CALN1: variants seen among roughly 807,000 people sequenced by gnomAD.
CALN1 encodes calneuron 1.
A neutral mutation model predicts 30.6 loss-of-function variants in CALN1; 17 were observed. That is an observed-to-expected ratio of 0.56 (90% CI 0.38 to 0.83). The LOEUF (loss-of-function observed/expected upper bound fraction) is 0.83, where lower values mean the gene tolerates loss of function less well. Among genes scored for constraint, CALN1 ranks in the 40% least tolerant of loss-of-function variants. CALN1 has a pLI of 0.00. For synonymous variants in CALN1, 156 were observed against 131.4 expected, an observed-to-expected ratio of 1.19 and a Z score of -1.28; for missense variants, 291 against 354.9, an observed-to-expected ratio of 0.82 and a Z score of 1.45.
intron 2 of CALN1, among the ~76,000 whole-genome samples, chr7:72,286,722 C>A (rs532478083): frequency 3.3e-5 from 5 of 152,278 alleles, no homozygotes; most frequent in African/African-American, 1.2e-4. Flanking sequence ...GGACAGATCT[C>A]AAATCAGACA....
At chr7:72,452,227 C>A in the CALN1 span, among the ~76,000 whole-genome samples, 5 of 152,136 alleles carry the variant, frequency 3.3e-5, no homozygotes, top group East Asian at 3.8e-4. Context: ...CAGCTCTCAA[C>A]TCACTCCTTG....
rs541056818 is a variant in CALN1, at chr7:72,124,776, G to GA, written c.245-18483dup. On this transcript the variant is annotated intron_variant, in intron 3 of 6. Coordinates refer to ENST00000395275, the MANE Select transcript of CALN1 (RefSeq NM_031468.4). ...AACATGAAGATAAAGACAACCTGAA[G>GA]AAAAAAAACAAATGAACTGACCTAC... 3.1e-4 allele frequency among the ~76,000 whole-genome samples: 47 copies of GA among 149,440 alleles called. 1 individual carries two copies. Among genetic ancestry groups the GA allele is most frequent in the Admixed American group, 2.7e-3 (41 of 15,002 alleles).
intron 2 of CALN1, among the ~76,000 whole-genome samples, chr7:72,319,148 G>A (rs530366199): frequency 9.9e-5 from 15 of 152,262 alleles, no homozygotes; most frequent in African/African-American, 2.4e-4. Context: ...TCCATCAATC[G>A]AGGACTGGAT....
chr7:72,280,471 T>C (rs891681311), intron 2 of CALN1, among the ~76,000 whole-genome samples: 1 of 152,248 alleles, frequency 6.6e-6, no homozygotes, highest in Non-Finnish European at 1.5e-5. Context: ...TTTCCAAATC[T>C]ATCCTTATAT....
At chr7:72,040,920 A>T (rs1174361745) in intron 4 of CALN1, among the ~76,000 whole-genome samples, 1 of 152,238 alleles carries the variant, frequency 6.6e-6, no homozygotes, top group African/African-American at 2.4e-5. Flanking sequence ...TGAAGCCACC[A>T]GGTCTGTGGT....
At chr7:72,389,699 C>T (rs554690435) in intron 2 of CALN1, among the ~76,000 whole-genome samples, 5 of 152,188 alleles carry the variant, frequency 3.3e-5, no homozygotes, top group Non-Finnish European at 7.4e-5. Flanking sequence ...GCAAGTGGAT[C>T]ACCTGAGGTC....
At chr7:71,908,571 A>G (rs1052091236) in intron 5 of CALN1, among the ~76,000 whole-genome samples, 1 of 152,168 alleles carries the variant, frequency 6.6e-6, no homozygotes, top group Admixed American at 6.5e-5. Context: ...AGAAAAGTAG[A>G]TATCTTAAAA....
At chr7:72,168,246 A>T (rs1005492519) in intron 3 of CALN1, among the ~76,000 whole-genome samples, 1 of 151,820 alleles carries the variant, frequency 6.6e-6, no homozygotes, top group Non-Finnish European at 1.5e-5. Flanking sequence ...AAAAAAAAAA[A>T]AAGAAATAAC....
intron 2 of CALN1, among the ~76,000 whole-genome samples, chr7:72,291,086 G>A (rs1240940988): frequency 6.6e-6 from 1 of 151,956 alleles, no homozygotes; most frequent in Non-Finnish European, 1.5e-5. Flanking sequence ...ACCATGCCTG[G>A]CTAATTTTTG....
chr7:71,972,007 AAAAG>A (rs1249498223), intron 5 of CALN1, among the ~76,000 whole-genome samples: 4 of 139,278 alleles, frequency 2.9e-5, no homozygotes, highest in African/African-American at 1.1e-4. Context: ...AAGAAAGAAA[AAAAG>A]AAAGAAAAGA....
intron 5 of CALN1, among the ~76,000 whole-genome samples, chr7:71,826,745 CT>C (rs1788938808): frequency 6.6e-6 from 1 of 152,176 alleles, no homozygotes; most frequent in African/African-American, 2.4e-5. Context: ...AATGTGGGGT[CT>C]CATCATTGCA....
intron 2 of CALN1, among the ~76,000 whole-genome samples, chr7:72,319,370 G>A (rs537152276): frequency 2.4e-4 from 37 of 152,280 alleles, no homozygotes; most frequent in Admixed American, 1.8e-3. Flanking sequence ...CAGAGAGCTT[G>A]TGCAGGGAAA....
chr7:72,332,100 C>A (rs1801717690), intron 2 of CALN1, among the ~76,000 whole-genome samples: 1 of 152,118 alleles, frequency 6.6e-6, no homozygotes, highest in Non-Finnish European at 1.5e-5. Flanking sequence ...CAGTCTATCA[C>A]TGATGGGCAT....
chr7:71,784,953 G>T lies in CALN1; in HGVS notation c.*2822C>A. The stretch of plus-strand genomic sequence containing the variant: ...GAACAGGGCTGGGAGTTGGCTGCCT[G>T]ACAAGGAAGGCTTCCCTATACCCAA... On this transcript the variant is annotated 3_prime_UTR_variant, in exon 7 of 7. Coordinates refer to ENST00000395275, the MANE Select transcript of CALN1 (RefSeq NM_031468.4). 5.0e-6 allele frequency: 2 copies of T among 398,326 alleles called. No homozygotes were observed. The highest frequency in any genetic ancestry group is 2.6e-4 in the South Asian group (2 of 7,746). The allele number at this position is 398,326 out of a possible 1,614,324, so 24.7% of individuals were successfully genotyped here.
At chr7:71,846,783 TAC>T (rs1417526768) in intron 5 of CALN1, among the ~76,000 whole-genome samples, 5 of 147,194 alleles carry the variant, frequency 3.4e-5, no homozygotes, top group African/African-American at 1.2e-4. Context: ...TAAATATATA[TAC>T]GTGTATATAC....
At chr7:72,182,069 A>G (rs1284048599) in intron 3 of CALN1, among the ~76,000 whole-genome samples, 11 of 152,224 alleles carry the variant, frequency 7.2e-5, no homozygotes. Flanking sequence ...AGCTTGCCTT[A>G]GAGAAGACTA....
chr7:72,440,173 C>G (rs936171111), intron 1 of CALN1, among the ~76,000 whole-genome samples: 2 of 152,308 alleles, frequency 1.3e-5, no homozygotes, highest in East Asian at 1.9e-4. Context: ...AGAGAACCAA[C>G]TGGAAATGAT....
intron 3 of CALN1, among the ~76,000 whole-genome samples, chr7:72,233,770 G>A (rs577882505): frequency 1.3e-5 from 2 of 152,214 alleles, no homozygotes; most frequent in African/African-American, 4.8e-5. Flanking sequence ...TTGAAAGGTC[G>A]AGGCAGGCGG....
At chr7:72,147,737 G>A (rs960862907) in intron 3 of CALN1, among the ~76,000 whole-genome samples, 1 of 151,926 alleles carries the variant, frequency 6.6e-6, no homozygotes, top group African/African-American at 2.4e-5. Flanking sequence ...AGAAAATGTG[G>A]CACATATACA....
Sources: gnomAD v4.1 joint callset for allele counts (sites outside exome capture counted in the v4.1 genomes callset) on GRCh38, gnomAD v4.1.1 for gene constraint, MANE v1.5 for transcripts, NCBI Gene and HGNC (gene_info 2026-07-23, HGNC 2026-07-21) for gene names.